SMAD3: variants seen among roughly 807,000 people sequenced by gnomAD.
The protein encoded by SMAD3 is MAD homolog 3.
SMAD3 carries 12 observed loss-of-function variants against 51.8 expected under a neutral mutation model. The ratio of observed to expected loss-of-function variants is 0.23; its 90% CI spans 0.15 to 0.38. The LOEUF is 0.38. SMAD3 is among the 10% of genes least tolerant of loss of function. The pLI, the probability that SMAD3 is intolerant of heterozygous loss-of-function variation, is 1.00. For missense variants in SMAD3, 294 were observed against 565.6 expected, an observed-to-expected ratio of 0.52 and a Z score of 4.87; for synonymous variants, 238 against 227.7, an observed-to-expected ratio of 1.05 and a Z score of -0.41.
intron 1 of SMAD3, among the ~76,000 whole-genome samples, chr15:67,069,000 ACT>A (rs1959989950): frequency 1.3e-5 from 2 of 152,126 alleles, no homozygotes; most frequent in South Asian, 4.1e-4. Flanking sequence ...GCTTAAAAAC[ACT>A]CTGCAAGATC....
intron 1 of SMAD3, among the ~76,000 whole-genome samples, chr15:67,161,040 C>T (rs909926233): frequency 1.3e-5 from 2 of 152,028 alleles, no homozygotes; most frequent in Middle Eastern, 3.2e-3. Context: ...CCCAAAAAGT[C>T]ACAAAGATTT....
intron 1 of SMAD3, among the ~76,000 whole-genome samples, chr15:67,144,165 GC>G (rs981645162): frequency 6.6e-6 from 1 of 151,916 alleles, no homozygotes; most frequent in African/African-American, 2.4e-5. Context: ...TTTGCCTGCT[GC>G]CCCCATCCCT....
At chr15:67,096,813 G>A (rs979326026) in intron 1 of SMAD3, among the ~76,000 whole-genome samples, 8 of 152,162 alleles carry the variant, frequency 5.3e-5, no homozygotes, top group African/African-American at 1.7e-4. Flanking sequence ...GGGTTGCGGA[G>A]CTAAGAAGCA....
intron 1 of SMAD3, among the ~76,000 whole-genome samples, chr15:67,116,032 G>C (rs114211852): frequency 0.012 from 1,781 of 152,332 alleles, 44 homozygotes; most frequent in African/African-American, 0.041. Context: ...AGATGAGAGA[G>C]ATGTTTAACA....
chr15:67,130,004 T>TA (rs1160224219), intron 1 of SMAD3, among the ~76,000 whole-genome samples: 1 of 152,180 alleles, frequency 6.6e-6, no homozygotes, highest in South Asian at 2.1e-4. Flanking sequence ...CTGGCTGAGT[T>TA]ACACAGCTAG....
intron 1 of SMAD3, among the ~76,000 whole-genome samples, chr15:67,136,880 C>T (rs1447153449): frequency 6.6e-6 from 1 of 152,184 alleles, no homozygotes; most frequent in East Asian, 1.9e-4. Flanking sequence ...ATGGTCTCTT[C>T]AGGTTTCGTA....
Position 67,082,041 on chromosome 15 carries a change from C to T in SMAD3, c.206+15681C>T, listed in dbSNP as rs182730287. Reference sequence around the variant, plus strand: ...ATGTTTGTTGGTTGCTGGTTTCCTTCGCTAAGTGAGACTCCTGAACACTTA... The same window carrying T: ...ATGTTTGTTGGTTGCTGGTTTCCTTTGCTAAGTGAGACTCCTGAACACTTA... On this transcript the variant is annotated intron_variant, in intron 1 of 8. Transcript: ENST00000327367. 1.1e-4 allele frequency among the ~76,000 whole-genome samples: 16 copies of T among 152,178 alleles called. 1 individual carries two copies. In the East Asian group the frequency reaches 1.5e-3, roughly 15 times the overall value.
chr15:67,143,062 G>A (rs780592426), intron 1 of SMAD3: 27 of 217,234 alleles, frequency 1.2e-4, no homozygotes, highest in African/African-American at 7.0e-5. Context: ...CTTGAAATTC[G>A]GTGACCCACC....
chr15:67,098,293 A>G (rs1007224108), intron 1 of SMAD3, among the ~76,000 whole-genome samples: 3 of 119,088 alleles, frequency 2.5e-5, no homozygotes, highest in Non-Finnish European at 5.0e-5. Context: ...CCCCCACCCC[A>G]CCACCCAAGA....
intron 5 of SMAD3, among the ~76,000 whole-genome samples, chr15:67,174,027 C>T (rs927000726): frequency 2.0e-5 from 3 of 152,220 alleles, no homozygotes; most frequent in Non-Finnish European, 4.4e-5. Context: ...GCGCTGGAGG[C>T]GCAGATTTGG....
At chr15:67,130,687 G>C (rs1961504193) in intron 1 of SMAD3, among the ~76,000 whole-genome samples, 1 of 152,330 alleles carries the variant, frequency 6.6e-6, no homozygotes, top group East Asian at 1.9e-4. Context: ...AAGTATTCAA[G>C]GAAAGTGCCA....
chr15:67,095,674 G>C (rs1960600170), intron 1 of SMAD3, among the ~76,000 whole-genome samples: 5 of 152,018 alleles, frequency 3.3e-5, no homozygotes. Context: ...TGGGATTACA[G>C]GCACCTGCCA....
At chr15:67,152,933 AG>A (rs935396607) in intron 1 of SMAD3, among the ~76,000 whole-genome samples, 2 of 152,114 alleles carry the variant, frequency 1.3e-5, no homozygotes, top group Non-Finnish European at 2.9e-5. Flanking sequence ...GGGGGAAGGG[AG>A]GGGCTCTCAC....
intron 1 of SMAD3, chr15:67,142,960 CT>C: frequency 2.8e-6 from 1 of 359,774 alleles, no homozygotes; most frequent in Admixed American, 3.0e-5. Flanking sequence ...CTGGCATGTC[CT>C]TTTGCTCAAT....
intron 1 of SMAD3, among the ~76,000 whole-genome samples, chr15:67,121,722 T>C (rs943025610): frequency 6.6e-6 from 1 of 152,004 alleles, no homozygotes; most frequent in African/African-American, 2.4e-5. Context: ...AACACATCCA[T>C]GTATGTGCTT....
At chr15:67,160,252 T>G (rs1325572655) in intron 1 of SMAD3, among the ~76,000 whole-genome samples, 1 of 152,270 alleles carries the variant, frequency 6.6e-6, no homozygotes, top group East Asian at 1.9e-4. Context: ...ATTTTACATT[T>G]GCACCAGCAG....
intron 5 of SMAD3, among the ~76,000 whole-genome samples, chr15:67,175,007 G>A (rs1039560556): frequency 6.6e-6 from 1 of 152,182 alleles, no homozygotes. Flanking sequence ...ACCGTTGTTT[G>A]CAGGGCAGGA....
intron 5 of SMAD3, 23 bp from the exon 6 acceptor site, chr15:67,181,218 A>C (rs767493414): frequency 1.2e-6 from 2 of 1,604,906 alleles, no homozygotes; most frequent in Admixed American, 1.7e-5. Flanking sequence ...CCAATGACCC[A>C]GTAGCCCACC....
At chr15:67,104,376 C>G (rs1317263329) in intron 1 of SMAD3, among the ~76,000 whole-genome samples, 1 of 152,202 alleles carries the variant, frequency 6.6e-6, no homozygotes, top group Non-Finnish European at 1.5e-5. Context: ...ATCAATGTAT[C>G]TGATTCTAGA....
Sources: gnomAD v4.1 joint callset for allele counts (sites outside exome capture counted in the v4.1 genomes callset) on GRCh38, gnomAD v4.1.1 for gene constraint, MANE v1.5 for transcripts, NCBI Gene and HGNC (gene_info 2026-07-23, HGNC 2026-07-21) for gene names.